Variants in CCDC178 observed in about 807,000 individuals in gnomAD.
CCDC178 encodes the protein coiled-coil domain containing 178.
CCDC178 carries 126 observed loss-of-function variants against 117.4 expected under a neutral mutation model. The observed-to-expected ratio is 1.07, with a 90% CI of 0.93 to 1.24. The LOEUF is 1.24. Among genes scored for constraint, CCDC178 ranks in the 50% most tolerant of loss-of-function variants. The pLI, the probability that CCDC178 is intolerant of heterozygous loss-of-function variation, is 0.00. For missense variants in CCDC178, 1,030 were observed against 986.9 expected (o/e 1.04, Z -0.59); for synonymous variants, 283 against 313.4 (o/e 0.90, Z 1.02).
At chr18:33,102,278 G>T (rs2057640308) in intron 20 of CCDC178, among the ~76,000 whole-genome samples, 1 of 151,722 alleles carries the variant, frequency 6.6e-6, no homozygotes, top group Non-Finnish European at 1.5e-5. Flanking sequence ...CACCCTTTCT[G>T]GGTTTACATC....
At chr18:32,984,680 T>C (rs2055225800) in intron 21 of CCDC178, among the ~76,000 whole-genome samples, 1 of 151,936 alleles carries the variant, frequency 6.6e-6, no homozygotes. Context: ...AAAAAATTGT[T>C]AAACCAATAA....
At chr18:33,108,725 T>TACAAAAGTCTCTCTAGCC (rs1284450250) in intron 20 of CCDC178, among the ~76,000 whole-genome samples, 8 of 151,696 alleles carry the variant, frequency 5.3e-5, no homozygotes, top group African/African-American at 1.9e-4. Context: ...TTCTGTTAGG[T>TACAAAAGTCTCTCTAGCC]ACAAAAGTCT....
chr18:33,245,445 A>G lies in CCDC178; in HGVS notation c.1410-17T>C. 6.7e-7 allele frequency: 1 copy of G among 1,489,928 alleles called. No individual in the cohort carries two copies. Among genetic ancestry groups the G allele is most frequent in the Non-Finnish European group, 9.0e-7 (1 of 1,114,630 alleles). 92.3% of individuals were successfully genotyped at this position (1,489,928 alleles called of 1,614,324 possible). A position where few individuals can be genotyped will look rare whatever the true frequency, so the allele number is the denominator to read the frequency against. On this transcript the variant is annotated splice_polypyrimidine_tract_variant and intron_variant, in intron 14 of 22. Coordinates refer to ENST00000383096, the MANE Select transcript of CCDC178 (RefSeq NM_001105528.4). ...TTCCGTATGCTGTAAAAGTAAAGCA[A>G]AAATTAATATTATTGAGTATATAGT...
intron 20 of CCDC178, among the ~76,000 whole-genome samples, chr18:33,163,585 A>C (rs755325592): frequency 1.1e-4 from 16 of 152,220 alleles, no homozygotes; most frequent in Non-Finnish European, 2.4e-4. Context: ...AAGATTTCAT[A>C]TGCAATAAAT....
At position 33,143,911 on chromosome 18, in the gene CCDC178, A is replaced by T. The variant is rs531817237; in HGVS notation, c.2239-51001T>A. Among the ~76,000 whole-genome samples the T allele has an allele frequency of 3.9e-5, 6 of 152,210 alleles. No homozygotes were observed. In the East Asian group the frequency reaches 9.6e-4, roughly 24 times the overall value. ...CTTGTATTAGGGCTTAGTAGAAAGG[A>T]TATCTACTTAGAAATGCTTCTGAGC... On this transcript the variant is annotated intron_variant, in intron 20 of 22. Transcript: ENST00000383096.
intron 3 of CCDC178, among the ~76,000 whole-genome samples, chr18:33,405,302 T>C (rs952834973): frequency 6.6e-6 from 1 of 151,712 alleles, no homozygotes; most frequent in African/African-American, 2.4e-5. Flanking sequence ...TGCATCTGTA[T>C]AAATACATCT....
chr18:33,347,522 C>A (rs1321292472), intron 8 of CCDC178, among the ~76,000 whole-genome samples: 2 of 152,084 alleles, frequency 1.3e-5, no homozygotes, highest in Non-Finnish European at 2.9e-5. Flanking sequence ...TATTTGGCAT[C>A]TTTGAATCTA....
At chr18:33,413,468 G>A (rs1599290081) in intron 2 of CCDC178, among the ~76,000 whole-genome samples, 1 of 150,444 alleles carries the variant, frequency 6.6e-6, no homozygotes, top group East Asian at 1.9e-4. Flanking sequence ...AAAATTACTG[G>A]AAAAATTAAA....
intron 10 of CCDC178, among the ~76,000 whole-genome samples, chr18:33,331,024 T>C (rs1329024734): frequency 1.4e-5 from 2 of 144,608 alleles, no homozygotes; most frequent in Admixed American, 7.1e-5. Context: ...ACACAAACAT[T>C]GCTTTTTTTT....
At chr18:33,413,937 C>T (rs928782290) in intron 2 of CCDC178, among the ~76,000 whole-genome samples, 8 of 152,098 alleles carry the variant, frequency 5.3e-5, no homozygotes, top group Admixed American at 2.0e-4. Flanking sequence ...TCAAATTACC[C>T]GGGTAATTCC....
At chr18:33,211,067 T>A (rs931939803) in intron 20 of CCDC178, among the ~76,000 whole-genome samples, 3 of 151,718 alleles carry the variant, frequency 2.0e-5, no homozygotes, top group African/African-American at 7.2e-5. Flanking sequence ...AATATTGATA[T>A]AATAATTGAA....
chr18:33,083,220 T>C (rs1255089145), intron 21 of CCDC178, among the ~76,000 whole-genome samples: 1 of 152,172 alleles, frequency 6.6e-6, no homozygotes, highest in Non-Finnish European at 1.5e-5. Flanking sequence ...CTCAAAATCA[T>C]AGCTAGGAAG....
chr18:33,081,901 G>C (rs1019579477), intron 21 of CCDC178, among the ~76,000 whole-genome samples: 1 of 152,120 alleles, frequency 6.6e-6, no homozygotes, highest in African/African-American at 2.4e-5. Flanking sequence ...TCATTTTCAG[G>C]ATTATTTTGA....
At chr18:33,251,245 T>C (rs1388446439) in intron 14 of CCDC178, among the ~76,000 whole-genome samples, 1 of 151,768 alleles carries the variant, frequency 6.6e-6, no homozygotes, top group Non-Finnish European at 1.5e-5. Flanking sequence ...TGAATAATGA[T>C]TCATGGGAAA....
At chr18:33,355,358 T>C (rs2063038941) in intron 7 of CCDC178, among the ~76,000 whole-genome samples, 2 of 152,222 alleles carry the variant, frequency 1.3e-5, no homozygotes, top group African/African-American at 4.8e-5. Flanking sequence ...AGCTAGTGTT[T>C]TGTGTGAGTT....
chr18:33,189,635 A>C (rs960382144), intron 20 of CCDC178, among the ~76,000 whole-genome samples: 1 of 152,156 alleles, frequency 6.6e-6, no homozygotes, highest in East Asian at 1.9e-4. Flanking sequence ...CTTTTGTTGT[A>C]TGGAGACTAG....
At chr18:33,158,855 A>C (rs1300124376) in intron 20 of CCDC178, among the ~76,000 whole-genome samples, 1 of 152,118 alleles carries the variant, frequency 6.6e-6, no homozygotes, top group East Asian at 1.9e-4. Context: ...TTAAAAATAA[A>C]ACTTGTATTT....
intron 21 of CCDC178, among the ~76,000 whole-genome samples, chr18:33,024,851 C>T (rs1399073262): frequency 6.6e-6 from 1 of 151,162 alleles, no homozygotes; most frequent in Non-Finnish European, 1.5e-5. Flanking sequence ...CGGGGTTTCA[C>T]CGTGTTACCC....
At chr18:33,214,446 A>C (rs918413442) in intron 19 of CCDC178, among the ~76,000 whole-genome samples, 3 of 152,026 alleles carry the variant, frequency 2.0e-5, no homozygotes, top group African/African-American at 7.2e-5. Context: ...CTTGTCTGAA[A>C]GGCCATATAA....
Sources: allele counts gnomAD v4.1 joint callset (sites outside exome capture counted in the v4.1 genomes callset), GRCh38; gene constraint gnomAD v4.1.1; transcripts MANE v1.5; gene names NCBI Gene and HGNC (gene_info 2026-07-23, HGNC 2026-07-21).